MAP3K15: variants seen among roughly 807,000 people sequenced by gnomAD.
MAP3K15 encodes the protein MAPK/ERK kinase kinase 15.
A neutral mutation model predicts 99.5 loss-of-function variants in MAP3K15; 124 were observed. The ratio of observed to expected loss-of-function variants is 1.25; its 90% CI spans 1.08 to 1.45. The LOEUF (loss-of-function observed/expected upper bound fraction) is 1.45, where lower values mean the gene tolerates loss of function less well. Ranked by LOEUF, MAP3K15 falls within the 40% of genes most tolerant of loss-of-function variation. MAP3K15 has a pLI of 0.00. For synonymous variants in MAP3K15, 494 were observed against 439.6 expected (o/e 1.12, Z -1.55); for missense variants, 1,242 against 1,079.7 (o/e 1.15, Z -2.11).
chrX:19,394,022 C>G (rs140055384), intron 16 of MAP3K15, among the ~76,000 whole-genome samples: 3,600 of 109,105 alleles, frequency 0.033, 183 homozygotes, highest in African/African-American at 0.11. Context: ...GATCCACCTG[C>G]CTTGGCCTCC....
At position 19,361,431 on chromosome X, in the gene MAP3K15, G is replaced by C. The variant is rs779022123; in HGVS notation, c.3781-16C>G. On this transcript the variant is annotated splice_polypyrimidine_tract_variant and intron_variant, in intron 27 of 28. Transcript: ENST00000338883. The stretch of plus-strand genomic sequence containing the variant: ...CTTCAACAATCTGAAACAAAGATCA[G>C]ATCCTTAAGAGCTGAGCAGCTGTGT... 12 of 1,195,808 alleles carry C rather than the reference G, an allele frequency of 1.0e-5. No individual in the cohort carries two copies. In the South Asian group the frequency reaches 2.0e-4, roughly 20 times the overall value.
chrX:19,508,268 C>G (rs1408015385), intron 1 of MAP3K15, among the ~76,000 whole-genome samples: 2 of 107,023 alleles, frequency 1.9e-5, no homozygotes, highest in Non-Finnish European at 3.9e-5. Context: ...GCCTCCTGGG[C>G]TCAAGCGATT....
intron 1 of MAP3K15, among the ~76,000 whole-genome samples, chrX:19,507,826 A>C (rs2064489972): frequency 9.1e-6 from 1 of 110,203 alleles, no homozygotes. Flanking sequence ...TGCTCTAAAA[A>C]ACTATTTTAA....
At chrX:19,455,651 C>T (rs1036804962) in intron 6 of MAP3K15, among the ~76,000 whole-genome samples, 4 of 106,302 alleles carry the variant, frequency 3.8e-5, no homozygotes, top group African/African-American at 1.0e-4. Context: ...TGAGCCACTG[C>T]GGCCGGCCCC....
intron 6 of MAP3K15, among the ~76,000 whole-genome samples, chrX:19,439,133 G>A (rs990595443): frequency 2.7e-5 from 3 of 111,061 alleles, no homozygotes; most frequent in African/African-American, 6.6e-5. Context: ...GAAGGTGAAG[G>A]TTGCAGTGAG....
chrX:19,389,301 T>TAAAAA (rs34025622), intron 18 of MAP3K15, among the ~76,000 whole-genome samples: 1 of 62,851 alleles, frequency 1.6e-5, no homozygotes, highest in Non-Finnish European at 3.2e-5. Flanking sequence ...ATAAGGCTGC[T>TAAAAA]AAAAAAAAAA....
At chrX:19,393,597 C>T (rs2063542348) in intron 16 of MAP3K15, among the ~76,000 whole-genome samples, 1 of 108,534 alleles carries the variant, frequency 9.2e-6, no homozygotes, top group Non-Finnish European at 1.9e-5. Context: ...TATCGTACCA[C>T]TGCACTCCAG....
chrX:19,417,138 T>C (rs897422551), intron 9 of MAP3K15, among the ~76,000 whole-genome samples: 1 of 111,806 alleles, frequency 8.9e-6, no homozygotes, highest in African/African-American at 3.3e-5. Context: ...GACGGGTGAT[T>C]TCTGCATTTC....
chrX:19,365,832 C>T (rs1331474185), intron 25 of MAP3K15, among the ~76,000 whole-genome samples: 1 of 109,010 alleles, frequency 9.2e-6, no homozygotes, highest in African/African-American at 3.3e-5. Flanking sequence ...TATGGTGAAA[C>T]CCCATCTCTA....
rs756825772 is a variant in MAP3K15 at position 19,395,253 on chromosome X, A to G, written c.2067-45T>C. The G allele has an allele frequency of 1.5e-5, 17 of 1,170,510 alleles. No individual in the cohort carries two copies. The Admixed American group carries it at 3.8e-4, about 26-fold the overall frequency. ...CAGGGTCACCTGCCAAATCCCAGGG[A>G]CTCTAGAACCACATCTCACCTCACC... On this transcript the variant is annotated intron_variant, in intron 15 of 28. Transcript: ENST00000338883.
At chrX:19,418,632 G>A (rs1005863247) in intron 9 of MAP3K15, among the ~76,000 whole-genome samples, 4 of 111,445 alleles carry the variant, frequency 3.6e-5, no homozygotes, top group African/African-American at 9.8e-5. Context: ...GTATCTAGGA[G>A]AACTTCCCCA....
In MAP3K15 at chrX:19,515,433, G is replaced by A. The variant is rs1383535859; in HGVS notation, c.-172C>T. On this transcript the variant is annotated 5_prime_UTR_variant, in exon 1 of 29. Coordinates refer to ENST00000338883, the MANE Select transcript of MAP3K15 (RefSeq NM_001001671.4). ...GGGGACCCCGCGGCGGGCCGAAGAC[G>A]GCAGTACCCCTAGGCTGCAGCCTGA... Among the ~76,000 whole-genome samples, 2 of 112,566 alleles carry A rather than the reference G, an allele frequency of 1.8e-5. No homozygotes were observed. The highest frequency in any genetic ancestry group is 1.9e-5 in the Non-Finnish European group (1 of 53,041).
In MAP3K15 at chrX:19,426,157, T is replaced by C. The variant is rs904190240; in HGVS notation, c.1279+74A>G. ...TAGAAATATAATGATATAATGCTAG[T>C]TATTTCAACATAACTTTTAATGCCA... is the stretch of plus-strand genomic sequence containing the variant. On this transcript the variant is annotated intron_variant, in intron 8 of 28. Coordinates refer to ENST00000338883, the MANE Select transcript of MAP3K15 (RefSeq NM_001001671.4). 17 of 522,100 alleles carry C rather than the reference T, an allele frequency of 3.3e-5. No homozygotes were observed. The African/African-American group carries it at 3.4e-4, about 10-fold the overall frequency. 43.0% of individuals were successfully genotyped at this position (522,100 alleles called of 1,213,427 possible). A position where few individuals can be genotyped will look rare whatever the true frequency, so the allele number is the denominator to read the frequency against.
intron 18 of MAP3K15, among the ~76,000 whole-genome samples, chrX:19,382,974 G>A (rs752967357): frequency 8.9e-6 from 1 of 111,775 alleles, no homozygotes; most frequent in Non-Finnish European, 1.9e-5. Context: ...GGAAGGATGC[G>A]GGAGGAAGCG....
At chrX:19,491,029 G>T (rs1263576766) in intron 1 of MAP3K15, among the ~76,000 whole-genome samples, 1 of 111,076 alleles carries the variant, frequency 9.0e-6, no homozygotes, top group Non-Finnish European at 1.9e-5. Context: ...TCAAAATCCC[G>T]ATGGGACACA....
rs144831156 is a variant in MAP3K15 at position 19,392,453 on chromosome X, G to A, written c.2215C>T (p.Arg739Ter). Residue 739 changes from arginine to a stop codon, truncating the protein, a stop_gained, in exon 17 of 29, where the codon CGA becomes TGA. Transcript: ENST00000338883. LOFTEE classifies it high-confidence loss of function. ...TCCTTCATCGGCCCCCATTTGGATC[G>A]CAGAAGAGCAGAAAGGCTTCCTAGA... is the stretch of plus-strand genomic sequence containing the variant. ...VPGGSLSALLRSKWGPMKEPT... is the reference protein window; with the variant it reads ...VPGGSLSALL The A allele has an allele frequency of 1.0e-5, 12 of 1,205,983 alleles. No individual in the cohort carries two copies. Among genetic ancestry groups the A allele is most frequent in the South Asian group, 3.6e-5 (2 of 55,985 alleles).
chrX:19,390,602 G>T (rs931049862), intron 18 of MAP3K15, among the ~76,000 whole-genome samples: 1 of 105,496 alleles, frequency 9.5e-6, no homozygotes, highest in East Asian at 2.9e-4. Context: ...GTAGAGATGG[G>T]GTTCTCCCTA....
intron 15 of MAP3K15, among the ~76,000 whole-genome samples, chrX:19,397,169 G>A (rs1246146103): frequency 1.8e-5 from 2 of 111,097 alleles, no homozygotes; most frequent in Non-Finnish European, 3.8e-5. Flanking sequence ...CTCCCAAAGT[G>A]CTGGGATTAC....
chrX:19,451,051 C>T (rs1014876348), intron 6 of MAP3K15, among the ~76,000 whole-genome samples: 2 of 108,676 alleles, frequency 1.8e-5, no homozygotes, highest in African/African-American at 3.3e-5. Context: ...TTTGGGAAGC[C>T]GAGGCAGGTG....
Sources: allele counts gnomAD v4.1 joint callset (sites outside exome capture counted in the v4.1 genomes callset), GRCh38; gene constraint gnomAD v4.1.1; transcripts MANE v1.5; gene names NCBI Gene and HGNC (gene_info 2026-07-23, HGNC 2026-07-21).